FOXA2: variants seen among roughly 807,000 people sequenced by gnomAD.
FOXA2 encodes the protein forkhead box A2.
In FOXA2, 9 loss-of-function variants were observed where a neutral mutation model predicts 33.3. That is an observed-to-expected ratio of 0.27 (90% CI 0.16 to 0.47). The LOEUF is 0.47. Among genes scored for constraint, FOXA2 ranks in the 20% least tolerant of loss-of-function variants. The pLI, the probability that FOXA2 is intolerant of heterozygous loss-of-function variation, is 0.99. For synonymous variants in FOXA2, 329 were observed against 289.4 expected (o/e 1.14, Z -1.39); for missense variants, 704 against 659.9 (o/e 1.07, Z -0.73).
intron 1 of FOXA2, 95 bp from the exon 2 acceptor site, chr20:22,583,249 G>GACGC: frequency 5.8e-6 from 8 of 1,375,970 alleles, no homozygotes; most frequent in Non-Finnish European, 8.2e-6. Flanking sequence ...TCCGCGTCCG[G>GACGC]GGAGGCCTCC....
In FOXA2 at chr20:22,584,379, C is replaced by A. The variant is rs1368926915; in HGVS notation, c.-101G>T. On this transcript the variant is annotated 5_prime_UTR_variant, in exon 1 of 2. The change creates a new upstream start codon in the 5' untranslated region. Coordinates refer to ENST00000419308, the MANE Select transcript of FOXA2 (RefSeq NM_021784.5). ...CAGCCAAAGCACCGTCCCCTCCTCCCTCCCTCTCTCGCGCTCCCTCTCCCT... is the reference window on the plus strand; with the variant it reads ...CAGCCAAAGCACCGTCCCCTCCTCCATCCCTCTCTCGCGCTCCCTCTCCCT... 7.6e-6 allele frequency: 7 copies of A among 926,056 alleles called. No homozygotes were observed. The highest frequency in any genetic ancestry group is 1.2e-5 in the Non-Finnish European group (7 of 582,872). The allele number at this position is 926,056 out of a possible 1,614,324, so 57.4% of individuals were successfully genotyped here. A position where few individuals can be genotyped will look rare whatever the true frequency, so the allele number is the denominator to read the frequency against.
chr20:22,584,444 G>C lies in FOXA2; in HGVS notation c.-166C>G. On this transcript the variant is annotated 5_prime_UTR_variant, in exon 1 of 2. Coordinates refer to ENST00000419308, the MANE Select transcript of FOXA2 (RefSeq NM_021784.5). ...CTCTCTCCCTGGGCAGGCCGGAGGC[G>C]GTAGTTGGAAGTGGGCGGGAGGTGG... 1.6e-6 allele frequency: 1 copy of C among 636,440 alleles called. No homozygotes were observed. Among genetic ancestry groups the C allele is most frequent in the Non-Finnish European group, 2.8e-6 (1 of 354,520 alleles). 39.4% of individuals were successfully genotyped at this position (636,440 alleles called of 1,614,324 possible).
Position 22,581,791 on chromosome 20 carries a change from C to T in FOXA2, c.*59G>A, listed in dbSNP as rs1002170329. 3.0e-5 allele frequency: 47 copies of T among 1,547,462 alleles called. 1 individual carries two copies. The highest frequency in any genetic ancestry group is 4.1e-5 in the Non-Finnish European group (46 of 1,127,028). ...CCCAAAGTCTCGACCCCCACTTGCT[C>T]TCTCACTTGTCCTCGATCCGGGGTG... is the stretch of plus-strand genomic sequence containing the variant. On this transcript the variant is annotated 3_prime_UTR_variant, in exon 2 of 2. Transcript: ENST00000419308.
intron 1 of FOXA2, 113 bp from the exon 2 acceptor site, chr20:22,583,267 C>G (rs1984653444): frequency 1.9e-6 from 2 of 1,081,042 alleles, no homozygotes; most frequent in Admixed American, 3.4e-5. Context: ...TCCGGGGAGC[C>G]CTTTCGTCCC....
Position 22,584,411 on chromosome 20 carries a change from C to T in FOXA2, c.-133G>A, listed in dbSNP as rs1984694554. 5.5e-6 allele frequency: 4 copies of T among 724,912 alleles called. No homozygotes were observed. The highest frequency in any genetic ancestry group is 7.2e-6 in the Non-Finnish European group (3 of 415,950). The allele number at this position is 724,912 out of a possible 1,614,324, so 44.9% of individuals were successfully genotyped here. A position where few individuals can be genotyped will look rare whatever the true frequency, so the allele number is the denominator to read the frequency against. ...TCTCGCGCTCCCTCTCCCTGGGCTC[C>T]ACTCCCTCTCTCTCCCTGGGCAGGC... On this transcript the variant is annotated 5_prime_UTR_variant, in exon 1 of 2. Transcript: ENST00000419308.
At position 22,582,502 on chromosome 20, in the gene FOXA2, T is replaced by G. The variant is rs1984615155; in HGVS notation, c.740A>C (p.Asn247Thr). The change falls in exon 2 of 2, where the codon AAC (asparagine) becomes ACC (threonine). Residue 247 changes from asparagine to threonine, a missense_variant. Around this residue, in one of 5 missense-constraint regions of FOXA2, gnomAD observed 25 missense variants for 55.3 expected, o/e 0.45. Transcript: ENST00000419308. ...SFWTLHPDSGNMFENGCYLRR... is the reference protein window; with the variant it reads ...SFWTLHPDSGTMFENGCYLRR... ...CAGGTAGCAGCCGTTCTCGAACATG[T>G]TGCCCGAGTCAGGGTGCAGGGTCCA... 1 of 1,613,958 alleles carries G rather than the reference T, an allele frequency of 6.2e-7. No homozygotes were observed. Among genetic ancestry groups the G allele is most frequent in the Non-Finnish European group, 8.5e-7 (1 of 1,180,006 alleles).
In FOXA2 at chr20:22,581,709, T is replaced by C; in HGVS notation, c.*141A>G. The C allele has an allele frequency of 1.4e-6, 1 of 735,686 alleles. No homozygotes were observed. The highest frequency in any genetic ancestry group is 1.8e-5 in the South Asian group (1 of 55,318). The allele number at this position is 735,686 out of a possible 1,614,324, so 45.6% of individuals were successfully genotyped here. On this transcript the variant is annotated 3_prime_UTR_variant, in exon 2 of 2. Coordinates refer to ENST00000419308, the MANE Select transcript of FOXA2 (RefSeq NM_021784.5). ...GTGAAGAAGACTGCTGTCTTGGGGGTGTTGGGGTGGGGGTGTTATGGATTT... is the reference window on the plus strand; with the variant it reads ...GTGAAGAAGACTGCTGTCTTGGGGGCGTTGGGGTGGGGGTGTTATGGATTT...
chr20:22,581,789 C>T lies in FOXA2; in HGVS notation c.*61G>A. 2 of 1,532,516 alleles carry T rather than the reference C, an allele frequency of 1.3e-6. No individual in the cohort carries two copies. Among genetic ancestry groups the T allele is most frequent in the Non-Finnish European group, 9.0e-7 (1 of 1,113,816 alleles). 94.9% of individuals were successfully genotyped at this position (1,532,516 alleles called of 1,614,324 possible). ...TCCCCAAAGTCTCGACCCCCACTTGCTCTCTCACTTGTCCTCGATCCGGGG... is the reference window on the plus strand; with the variant it reads ...TCCCCAAAGTCTCGACCCCCACTTGTTCTCTCACTTGTCCTCGATCCGGGG... On this transcript the variant is annotated 3_prime_UTR_variant, in exon 2 of 2. Transcript: ENST00000419308.
In FOXA2 at chr20:22,582,535, C is replaced by A; in HGVS notation, c.707G>T (p.Gly236Val). The A allele has an allele frequency of 6.2e-7, 1 of 1,614,068 alleles. No homozygotes were observed. Among genetic ancestry groups the A allele is most frequent in the Non-Finnish European group, 8.5e-7 (1 of 1,180,016 alleles). The stretch of plus-strand genomic sequence containing the variant: ...GTCAGGGTGCAGGGTCCAGAAGGAG[C>A]CCTTGCCGGGCTTGTCGGGCGAGCG... ...VPRSPDKPGK[G>V]SFWTLHPDSG... is the part of the protein sequence containing the mutation. The change falls in exon 2 of 2, where the codon GGC becomes GTC. Residue 236 changes from glycine (G) to valine (V), a missense_variant. Physicochemically the swap from Gly to Val is moderately radical, Grantham distance 109. Transcript: ENST00000419308.
At position 22,581,410 on chromosome 20, in the gene FOXA2, C is replaced by T. The variant is rs1984563934; in HGVS notation, c.*440G>A. The T allele has an allele frequency of 6.4e-6, 1 of 155,106 alleles. No homozygotes were observed. 9.6% of individuals were successfully genotyped at this position (155,106 alleles called of 1,614,324 possible). The stretch of plus-strand genomic sequence containing the variant: ...TTCCTGTTTTTAAACAATAGTACAA[C>T]CCTCTGGTTCTGTTAAAACTACATG... On this transcript the variant is annotated 3_prime_UTR_variant, in exon 2 of 2. Coordinates refer to ENST00000419308, the MANE Select transcript of FOXA2 (RefSeq NM_021784.5).
At chr20:22,583,306 T>G (rs1320462293) in intron 1 of FOXA2, 152 bp from the exon 2 acceptor site, 25 of 831,108 alleles carry the variant, frequency 3.0e-5, no homozygotes, top group Non-Finnish European at 4.3e-5. Context: ...ACTCCGAGTC[T>G]GTTTCATTCA....
rs1984614987 is a variant in FOXA2 at position 22,582,495 on chromosome 20, G to T, written c.747C>A (p.Phe249Leu). 1 of 1,613,910 alleles carries T rather than the reference G, an allele frequency of 6.2e-7. No individual in the cohort carries two copies. Among genetic ancestry groups the T allele is most frequent in the Admixed American group, 1.7e-5 (1 of 60,006 alleles). Residue 249 changes from phenylalanine to leucine, a missense_variant, in exon 2 of 2, where the codon TTC (phenylalanine) becomes TTA (leucine). Transcript: ENST00000419308. ...WTLHPDSGNM[F>L]ENGCYLRRQK... ...GGCGGCGCAGGTAGCAGCCGTTCTCGAACATGTTGCCCGAGTCAGGGTGCA... is the reference window on the plus strand; with the variant it reads ...GGCGGCGCAGGTAGCAGCCGTTCTCTAACATGTTGCCCGAGTCAGGGTGCA...
Position 22,582,810 on chromosome 20 carries a change from C to T in FOXA2, c.432G>A (p.Gly144=). The change falls in exon 2 of 2, where the codon GGG becomes GGA. Residue 144 remains glycine (G), a synonymous_variant. Transcript: ENST00000419308. The stretch of plus-strand genomic sequence containing the variant: ...CGCGGGCGCGGCTCAGGCCCGCCTG[C>T]CCGTACATGGGGCTCATGGAGTTCA... ...ANMNSMSPMY[G]QAGLSRARDP... 1.2e-6 allele frequency: 2 copies of T among 1,613,330 alleles called. No homozygotes were observed. Among genetic ancestry groups the T allele is most frequent in the East Asian group, 2.2e-5 (1 of 44,808 alleles).
In FOXA2 at chr20:22,582,551, C is replaced by G; in HGVS notation, c.691G>C (p.Asp231His). The change falls in exon 2 of 2, where the codon GAC (aspartate) becomes CAC (histidine). Residue 231 changes from aspartate to histidine, a missense_variant. This residue lies in a region of FOXA2 where 25 missense variants were observed against 55.3 expected (regional missense o/e 0.45). Coordinates refer to ENST00000419308, the MANE Select transcript of FOXA2 (RefSeq NM_021784.5). The part of the protein sequence containing the change: ...DCFLKVPRSP[D>H]KPGKGSFWTL... The stretch of plus-strand genomic sequence containing the variant: ...CAGAAGGAGCCCTTGCCGGGCTTGT[C>G]GGGCGAGCGGGGCACCTTCAGGAAA... 1 of 1,614,106 alleles carries G rather than the reference C, an allele frequency of 6.2e-7. No homozygotes were observed. Among genetic ancestry groups the G allele is most frequent in the Non-Finnish European group, 8.5e-7 (1 of 1,180,014 alleles).
Position 22,582,627 on chromosome 20 carries a change from G to A in FOXA2, c.615C>T (p.Asn205=), listed in dbSNP as rs773886523. 5.6e-6 allele frequency: 9 copies of A among 1,614,178 alleles called. No individual in the cohort carries two copies. The South Asian group carries it at 8.8e-5, about 16-fold the overall frequency. The change falls in exon 2 of 2, where the codon AAC becomes AAT. Residue 205 remains asparagine (N), a synonymous_variant. Coordinates refer to ENST00000419308, the MANE Select transcript of FOXA2 (RefSeq NM_021784.5). ...IMDLFPFYRQ[N]QQRWQNSIRH... ...GGATGGAGTTCTGCCAGCGCTGCTG[G>A]TTCTGCCGGTAGAAGGGGAAGAGGT...
chr20:22,584,158 G>C (rs373835404), intron 1 of FOXA2, 34 bp downstream of exon 1: 4 of 1,599,620 alleles, frequency 2.5e-6, no homozygotes, highest in Non-Finnish European at 3.4e-6. Context: ...GAGCGCCGCC[G>C]CTCCACTTCC....
rs963867700 is a variant in FOXA2 at position 22,584,535 on chromosome 20, C to T, written c.-257G>A. ...CGGTAGGGAGCACCCGCCGCCGCCGCGCTCACGGGCTGCCGGGTGGCGGCT... is the reference window on the plus strand; with the variant it reads ...CGGTAGGGAGCACCCGCCGCCGCCGTGCTCACGGGCTGCCGGGTGGCGGCT... On this transcript the variant is annotated 5_prime_UTR_variant, in exon 1 of 2. Transcript: ENST00000419308. 6.6e-6 allele frequency: 3 copies of T among 457,688 alleles called. No individual in the cohort carries two copies. Among genetic ancestry groups the T allele is most frequent in the Non-Finnish European group, 1.2e-5 (3 of 254,248 alleles). The allele number at this position is 457,688 out of a possible 1,614,324, so 28.4% of individuals were successfully genotyped here.
rs543763169 is a variant in FOXA2, at chr20:22,584,331, C to T, written c.-53G>A. 2.7e-6 allele frequency: 4 copies of T among 1,490,578 alleles called. No individual in the cohort carries two copies. The East Asian group carries it at 7.0e-5, about 26-fold the overall frequency. 92.3% of individuals were successfully genotyped at this position (1,490,578 alleles called of 1,614,324 possible). A position where few individuals can be genotyped will look rare whatever the true frequency, so the allele number is the denominator to read the frequency against. Reference sequence around the variant, plus strand: ...AAACGACCAGCAATCACCCCCCACCCCCACCCTCTTTTAAAAAAAAGTCAG... The same window carrying T: ...AAACGACCAGCAATCACCCCCCACCTCCACCCTCTTTTAAAAAAAAGTCAG... On this transcript the variant is annotated 5_prime_UTR_variant, in exon 1 of 2. Transcript: ENST00000419308.
chr20:22,585,257 GA>G (rs1002917265), upstream of FOXA2: 4 of 152,290 alleles, frequency 2.6e-5, no homozygotes, highest in Non-Finnish European at 5.9e-5. Context: ...GTCCTATTTA[GA>G]AAAACTACGT....
Sources: allele counts gnomAD v4.1 joint callset, GRCh38; gene constraint gnomAD v4.1.1; regional missense constraint gnomAD v4.1.1; transcripts MANE v1.5; gene names NCBI Gene and HGNC (gene_info 2026-07-23, HGNC 2026-07-21).